Variants in CAMTA1 observed in about 807,000 individuals in gnomAD.
CAMTA1 encodes the protein calmodulin-binding transcription activator 1.
A neutral mutation model predicts 170.9 loss-of-function variants in CAMTA1; 27 were observed. That is an observed-to-expected ratio of 0.16 (90% CI 0.12 to 0.22). The LOEUF (loss-of-function observed/expected upper bound fraction) is 0.22. Among genes scored for constraint, CAMTA1 ranks in the 10% least tolerant of loss-of-function variants. The pLI is 1.00. For missense variants in CAMTA1, 1,619 were observed against 2,217.2 expected (o/e 0.73, Z 5.42); for synonymous variants, 833 against 891.5 (o/e 0.93, Z 1.17).
At chr1:6,954,970 TC>T (rs1389400719) in intron 3 of CAMTA1, among the ~76,000 whole-genome samples, 1 of 152,156 alleles carries the variant, frequency 6.6e-6, no homozygotes, top group East Asian at 1.9e-4. Flanking sequence ...TCGCTTCACT[TC>T]CTAGTGTTTA....
intron 21 of CAMTA1, 34 bp from the exon 22 acceptor site, chr1:7,755,604 T>A (rs2096926433): frequency 6.3e-7 from 1 of 1,580,522 alleles, no homozygotes; most frequent in African/African-American, 1.3e-5. Flanking sequence ...CCTCATGTGC[T>A]AATAGCTCTC....
At chr1:7,492,528 C>CATAG (rs1183216640) in intron 6 of CAMTA1, among the ~76,000 whole-genome samples, 14 of 152,192 alleles carry the variant, frequency 9.2e-5, no homozygotes, top group African/African-American at 3.4e-4. Flanking sequence ...TCCGCTCCTG[C>CATAG]ATAGCACTGT....
At chr1:7,416,698 G>T (rs1023009847) in intron 5 of CAMTA1, among the ~76,000 whole-genome samples, 4 of 152,200 alleles carry the variant, frequency 2.6e-5, no homozygotes, top group Non-Finnish European at 5.9e-5. Context: ...CTTTGCCATT[G>T]GTTTGAATTT....
chr1:6,987,894 G>A (rs1572245668), intron 3 of CAMTA1, among the ~76,000 whole-genome samples: 1 of 152,130 alleles, frequency 6.6e-6, no homozygotes, highest in Non-Finnish European at 1.5e-5. Context: ...CCCCAGGTGG[G>A]CATCATCCGC....
In CAMTA1 at chr1:7,436,213, G is replaced by A. The variant is rs376261699; in HGVS notation, c.439-31617G>A. ...GAGAGGGAGCCGGGCATGGGGAGAAGAGGCTCATGGGAAGAGAGTGTGTTT... is the reference window on the plus strand; with the variant it reads ...GAGAGGGAGCCGGGCATGGGGAGAAAAGGCTCATGGGAAGAGAGTGTGTTT... On this transcript the variant is annotated intron_variant, in intron 5 of 22. Transcript: ENST00000303635. Among the ~76,000 whole-genome samples the A allele has an allele frequency of 3.0e-3, 451 of 152,356 alleles. 1 individual carries two copies. The highest frequency in any genetic ancestry group is 0.011 in the South Asian group (52 of 4,830).
At chr1:7,370,981 G>A (rs1331082298) in intron 5 of CAMTA1, among the ~76,000 whole-genome samples, 3 of 141,286 alleles carry the variant, frequency 2.1e-5, no homozygotes, top group Non-Finnish European at 4.5e-5. Context: ...GCGCGATCTC[G>A]GCTCACTGCA....
chr1:7,045,433 C>A (rs1705212993), intron 3 of CAMTA1, among the ~76,000 whole-genome samples: 1 of 152,202 alleles, frequency 6.6e-6, no homozygotes, highest in African/African-American at 2.4e-5. Context: ...CATCCGGCAC[C>A]AAATACCCCC....
At chr1:7,052,702 G>T (rs1558029958) in intron 3 of CAMTA1, among the ~76,000 whole-genome samples, 1 of 152,222 alleles carries the variant, frequency 6.6e-6, no homozygotes. Flanking sequence ...CCAGTACCTG[G>T]TTCTCCTCCT....
chr1:7,232,886 T>G (rs940751301), intron 4 of CAMTA1, among the ~76,000 whole-genome samples: 2 of 152,030 alleles, frequency 1.3e-5, no homozygotes, highest in Non-Finnish European at 2.9e-5. Flanking sequence ...GAATATTGCC[T>G]TGTCTCCTTG....
intron 6 of CAMTA1, among the ~76,000 whole-genome samples, chr1:7,544,718 A>G (rs1725264): frequency 6.6e-6 from 1 of 152,026 alleles, no homozygotes; most frequent in Non-Finnish European, 1.5e-5. Context: ...AAGGTTCAAG[A>G]CTGTGCAGCT....
chr1:7,601,017 G>A (rs931582183), intron 6 of CAMTA1, among the ~76,000 whole-genome samples: 3 of 152,198 alleles, frequency 2.0e-5, no homozygotes, highest in African/African-American at 4.8e-5. Context: ...CAGATGGGGT[G>A]GTGGCTGGGC....
chr1:7,741,080 T>TA (rs1431483885), intron 16 of CAMTA1, among the ~76,000 whole-genome samples: 4 of 152,208 alleles, frequency 2.6e-5, no homozygotes, highest in Non-Finnish European at 5.9e-5. Context: ...AGGGACTCTT[T>TA]AAATAGAAGA....
chr1:6,866,100 G>C (rs570908061), intron 3 of CAMTA1, among the ~76,000 whole-genome samples: 59 of 152,286 alleles, frequency 3.9e-4, no homozygotes, highest in Non-Finnish European at 6.3e-4. Flanking sequence ...GGTATATGTT[G>C]GGACTGGAGG....
intron 3 of CAMTA1, among the ~76,000 whole-genome samples, chr1:7,075,149 C>T (rs1639126914): frequency 6.6e-6 from 1 of 152,194 alleles, no homozygotes; most frequent in Non-Finnish European, 1.5e-5. Flanking sequence ...ACCGCTGATT[C>T]TTGGTCACAA....
chr1:7,552,924 AAGCAGT>A (rs2094822694), intron 6 of CAMTA1, among the ~76,000 whole-genome samples: 1 of 152,192 alleles, frequency 6.6e-6, no homozygotes, highest in Admixed American at 6.5e-5. Flanking sequence ...TGTCCATGTT[AAGCAGT>A]AGCTGAGTGG....
chr1:6,999,899 C>T (rs905260478), intron 3 of CAMTA1, among the ~76,000 whole-genome samples: 6 of 152,154 alleles, frequency 3.9e-5, no homozygotes, highest in African/African-American at 1.4e-4. Context: ...GCTTTTTCCT[C>T]CCTGTAGTGC....
chr1:7,392,169 A>G (rs1375665202), intron 5 of CAMTA1, among the ~76,000 whole-genome samples: 2 of 151,908 alleles, frequency 1.3e-5, no homozygotes, highest in African/African-American at 4.8e-5. Context: ...CATGCCTGTA[A>G]TTCCAACACT....
chr1:7,339,940 C>T (rs1439257547), intron 5 of CAMTA1, among the ~76,000 whole-genome samples: 1 of 152,118 alleles, frequency 6.6e-6, no homozygotes, highest in Admixed American at 6.5e-5. Flanking sequence ...TCTATCTTGT[C>T]TCCAGCAGAC....
chr1:7,051,067 G>A (rs937698286), intron 3 of CAMTA1, among the ~76,000 whole-genome samples: 2 of 152,160 alleles, frequency 1.3e-5, no homozygotes, highest in African/African-American at 4.8e-5. Flanking sequence ...GATTGGTGAG[G>A]CGCTGCGGCA....
Sources: allele counts gnomAD v4.1 joint callset (sites outside exome capture counted in the v4.1 genomes callset), GRCh38; gene constraint gnomAD v4.1.1; transcripts MANE v1.5; gene names NCBI Gene and HGNC (gene_info 2026-07-23, HGNC 2026-07-21).